FHIT: variants seen among roughly 807,000 people sequenced by gnomAD.
FHIT encodes the protein bis(5'-adenosyl)-triphosphatase.
Under a neutral mutation model 17.9 loss-of-function variants are expected in FHIT, and 19 were observed. That is an observed-to-expected ratio of 1.06 (90% CI 0.74 to 1.56). The LOEUF is 1.56. FHIT is among the 40% of genes most tolerant of loss of function. The pLI, the probability that FHIT is intolerant of heterozygous loss-of-function variation, is 0.00. For missense variants in FHIT, 248 were observed against 189.2 expected (o/e 1.31, Z -1.82); for synonymous variants, 81 against 69.7 (o/e 1.16, Z -0.81).
intron 2 of FHIT, among the ~76,000 whole-genome samples, chr3:61,115,162 C>T (rs2036264579): frequency 6.6e-6 from 1 of 152,034 alleles, no homozygotes; most frequent in Non-Finnish European, 1.5e-5. Flanking sequence ...TTTATGGAAT[C>T]CACAGCCTAG....
chr3:60,544,239 T>A (rs1474824964), intron 4 of FHIT, among the ~76,000 whole-genome samples: 1 of 151,892 alleles, frequency 6.6e-6, no homozygotes, highest in Admixed American at 6.6e-5. Flanking sequence ...AGGGCTGAGT[T>A]TAAACTTCTT....
intron 3 of FHIT, among the ~76,000 whole-genome samples, chr3:60,964,010 T>A (rs1250405147): frequency 6.6e-6 from 1 of 152,190 alleles, no homozygotes; most frequent in Non-Finnish European, 1.5e-5. Context: ...CTCATTGATC[T>A]GTCTAATGTT....
chr3:60,910,961 C>T (rs1214401439), intron 3 of FHIT, among the ~76,000 whole-genome samples: 1 of 152,146 alleles, frequency 6.6e-6, no homozygotes, highest in Non-Finnish European at 1.5e-5. Context: ...TGGTTTTACC[C>T]ACTTACAAAG....
At chr3:59,776,533 T>C (rs536440568) in intron 8 of FHIT, among the ~76,000 whole-genome samples, 1 of 152,210 alleles carries the variant, frequency 6.6e-6, no homozygotes, top group East Asian at 1.9e-4. Flanking sequence ...TGATGGGCCA[T>C]CCAGGAAACA....
chr3:59,802,829 A>G (rs1700053543), intron 8 of FHIT, among the ~76,000 whole-genome samples: 1 of 152,180 alleles, frequency 6.6e-6, no homozygotes, highest in African/African-American at 2.4e-5. Context: ...AGGGAGAGAG[A>G]ATGGTGGTCT....
At chr3:60,499,448 G>C (rs2034432978) in intron 5 of FHIT, among the ~76,000 whole-genome samples, 1 of 152,128 alleles carries the variant, frequency 6.6e-6, no homozygotes, top group Non-Finnish European at 1.5e-5. Context: ...CTGGAGGGCA[G>C]TGGCGAGATC....
At chr3:59,782,207 G>A (rs1379470175) in intron 8 of FHIT, among the ~76,000 whole-genome samples, 8 of 152,086 alleles carry the variant, frequency 5.3e-5, no homozygotes, top group African/African-American at 1.7e-4. Flanking sequence ...ACCCGCCTCG[G>A]CCTCCCAAAG....
intron 3 of FHIT, among the ~76,000 whole-genome samples, chr3:60,962,939 C>T (rs553809282): frequency 2.5e-4 from 38 of 152,278 alleles, no homozygotes; most frequent in African/African-American, 7.9e-4. Flanking sequence ...CAATGCTGGC[C>T]GCATAAAATG....
At chr3:61,054,577 T>C (rs778442625) in intron 2 of FHIT, among the ~76,000 whole-genome samples, 2 of 152,210 alleles carry the variant, frequency 1.3e-5, no homozygotes, top group African/African-American at 2.4e-5. Flanking sequence ...TTGTGACTCA[T>C]GGTTTTCAGA....
chr3:60,487,124 A>G (rs2033876631), intron 5 of FHIT, among the ~76,000 whole-genome samples: 1 of 152,176 alleles, frequency 6.6e-6, no homozygotes, highest in Admixed American at 6.5e-5. Flanking sequence ...AATCTGCAGA[A>G]AGGTTTGGTG....
At chr3:61,116,044 C>A (rs755492719) in intron 2 of FHIT, among the ~76,000 whole-genome samples, 8 of 152,092 alleles carry the variant, frequency 5.3e-5, no homozygotes, top group Admixed American at 1.3e-4. Flanking sequence ...ATAAAAGGGA[C>A]GGCTGAGGAA....
chr3:60,293,284 T>G (rs999376160), intron 5 of FHIT, among the ~76,000 whole-genome samples: 1 of 152,150 alleles, frequency 6.6e-6, no homozygotes, highest in African/African-American at 2.4e-5. Context: ...TCTGTGCCCA[T>G]AGTAATAGAT....
intron 7 of FHIT, among the ~76,000 whole-genome samples, chr3:59,977,277 T>G (rs1406089990): frequency 6.6e-6 from 1 of 152,144 alleles, no homozygotes; most frequent in African/African-American, 2.4e-5. Context: ...CAGCCTGCGG[T>G]TGCTTCCATC....
At chr3:60,057,153 G>A (rs1386175082) in intron 5 of FHIT, among the ~76,000 whole-genome samples, 1 of 152,184 alleles carries the variant, frequency 6.6e-6, no homozygotes, top group African/African-American at 2.4e-5. Flanking sequence ...ACACCTACTA[G>A]AAGCCAAGCC....
chr3:60,216,339 C>T (rs556612852), intron 5 of FHIT, among the ~76,000 whole-genome samples: 17 of 152,078 alleles, frequency 1.1e-4, no homozygotes, highest in Admixed American at 9.8e-4. Context: ...TGTTTGTTTC[C>T]GAGATAAGCG....
Position 60,473,261 on chromosome 3 carries a change from A to G in FHIT, c.103+63599T>C, listed in dbSNP as rs545092071. Among the ~76,000 whole-genome samples the G allele has an allele frequency of 1.2e-4, 19 of 152,342 alleles. No individual in the cohort carries two copies. The East Asian group carries it at 3.7e-3, about 29-fold the overall frequency. ...TAGCTGGCTTCTTCGATAAAATTCA[A>G]TTCAAATCAAAGAGTAATTAAAGCA... On this transcript the variant is annotated intron_variant, in intron 5 of 9. Coordinates refer to ENST00000492590, the MANE Select transcript of FHIT (RefSeq NM_002012.4).
At chr3:60,176,355 A>G (rs1419613242) in intron 5 of FHIT, among the ~76,000 whole-genome samples, 1 of 151,882 alleles carries the variant, frequency 6.6e-6, no homozygotes, top group Non-Finnish European at 1.5e-5. Context: ...CCATCTCAAA[A>G]CAACAACAAC....
chr3:60,177,347 G>A (rs769316171), intron 5 of FHIT, among the ~76,000 whole-genome samples: 16 of 151,194 alleles, frequency 1.1e-4, no homozygotes, highest in Admixed American at 7.9e-4. Context: ...AAATGAAACT[G>A]CCAGGCAAAA....
chr3:59,967,385 G>A (rs950181698), intron 7 of FHIT, among the ~76,000 whole-genome samples: 4 of 152,016 alleles, frequency 2.6e-5, no homozygotes, highest in African/African-American at 9.7e-5. Context: ...ACTTTTATAC[G>A]ACTGGCAGCA....
Sources: allele counts gnomAD v4.1 joint callset (sites outside exome capture counted in the v4.1 genomes callset), GRCh38; gene constraint gnomAD v4.1.1; transcripts MANE v1.5; gene names NCBI Gene and HGNC (gene_info 2026-07-23, HGNC 2026-07-21).